Variants in ADRA1B observed in about 807,000 individuals in gnomAD.
The protein encoded by ADRA1B is adrenoceptor alpha 1B.
Under a neutral mutation model 17.9 loss-of-function variants are expected in ADRA1B, and 17 were observed. That is an observed-to-expected ratio of 0.95 (90% CI 0.65 to 1.42). The LOEUF is 1.42. Ranked by LOEUF, ADRA1B falls within the 40% of genes most tolerant of loss-of-function variation. ADRA1B has a pLI of 0.00. For synonymous variants in ADRA1B, 366 were observed against 327.6 expected, an observed-to-expected ratio of 1.12 and a Z score of -1.27; for missense variants, 681 against 722.1, an observed-to-expected ratio of 0.94 and a Z score of 0.65.
chr5:159,890,378 A>T (rs1753969342), intron 1 of ADRA1B, among the ~76,000 whole-genome samples: 1 of 152,192 alleles, frequency 6.6e-6, no homozygotes, highest in Non-Finnish European at 1.5e-5. Flanking sequence ...TAAATTAGTC[A>T]TCTATTGCTG....
At chr5:159,979,192 A>G in the ADRA1B span, among the ~76,000 whole-genome samples, 5 of 152,184 alleles carry the variant, frequency 3.3e-5, no homozygotes, top group Non-Finnish European at 4.4e-5. Flanking sequence ...AAAACCTTAC[A>G]TACAAGGTAG....
intron 1 of ADRA1B, 60 bp downstream of exon 1, chr5:159,917,914 A>C: frequency 7.1e-7 from 1 of 1,412,298 alleles, no homozygotes; most frequent in Non-Finnish European, 9.6e-7. Context: ...TTTACTGATG[A>C]GCTTACTCTA....
chr5:159,911,165 T>C (rs1035690312), intron 1 of ADRA1B, among the ~76,000 whole-genome samples: 1 of 152,220 alleles, frequency 6.6e-6, no homozygotes, highest in Non-Finnish European at 1.5e-5. Context: ...AGAGAAATTC[T>C]GGAGGCACCA....
intron 1 of ADRA1B, among the ~76,000 whole-genome samples, chr5:159,939,326 C>T (rs894655056): frequency 1.7e-3 from 203 of 120,662 alleles, no homozygotes; most frequent in Non-Finnish European, 3.0e-3. Context: ...TGTGTGTGCG[C>T]GCGCGCGCGC....
chr5:159,974,927 C>T (rs2113304186), downstream of ADRA1B, among the ~76,000 whole-genome samples: 1 of 152,268 alleles, frequency 6.6e-6, no homozygotes, highest in East Asian at 1.9e-4. Context: ...AGGTCTTCTG[C>T]CTCTTTGTCC....
chr5:159,887,797 A>G (rs543124707), intron 1 of ADRA1B, among the ~76,000 whole-genome samples: 1 of 152,252 alleles, frequency 6.6e-6, no homozygotes, highest in African/African-American at 2.4e-5. Flanking sequence ...TAGAGGTGGA[A>G]TATATAGACG....
intron 1 of ADRA1B, among the ~76,000 whole-genome samples, chr5:159,875,976 G>A (rs546595831): frequency 2.0e-5 from 3 of 152,290 alleles, no homozygotes; most frequent in African/African-American, 4.8e-5. Flanking sequence ...ATCACTTGAG[G>A]TCAGGAGTTC....
chr5:159,866,298 A>G (rs1230180181), intron 1 of ADRA1B, among the ~76,000 whole-genome samples: 2 of 148,748 alleles, frequency 1.3e-5, no homozygotes, highest in African/African-American at 5.0e-5. Flanking sequence ...ATAGTGAGAA[A>G]AAAAAAAAAA....
chr5:159,949,797 A>G (rs1055274886), intron 1 of ADRA1B, among the ~76,000 whole-genome samples: 1 of 152,212 alleles, frequency 6.6e-6, no homozygotes. Flanking sequence ...CCATTTGTGC[A>G]CTTCAGCAGC....
chr5:159,971,201 A>G (rs1208135236), intron 1 of ADRA1B, among the ~76,000 whole-genome samples: 5 of 152,048 alleles, frequency 3.3e-5, no homozygotes, highest in Admixed American at 3.3e-4. Context: ...GCTACTTTCC[A>G]TTGCCCATGT....
intron 1 of ADRA1B, among the ~76,000 whole-genome samples, chr5:159,881,705 G>C (rs1202293535): frequency 6.6e-6 from 1 of 152,188 alleles, no homozygotes; most frequent in Non-Finnish European, 1.5e-5. Flanking sequence ...TTGGGAAGGA[G>C]TATGAGTGAA....
chr5:159,890,095 T>G (rs1753965920), intron 1 of ADRA1B, among the ~76,000 whole-genome samples: 1 of 152,182 alleles, frequency 6.6e-6, no homozygotes, highest in South Asian at 2.1e-4. Flanking sequence ...CAACGGGTGC[T>G]TGCCTTGAGG....
intron 1 of ADRA1B, among the ~76,000 whole-genome samples, chr5:159,949,428 C>T (rs949728881): frequency 2.0e-5 from 3 of 152,184 alleles, no homozygotes; most frequent in East Asian, 1.9e-4. Flanking sequence ...GAAACAGCTA[C>T]GCAGAAAATG....
chr5:159,936,246 C>G, intron 1 of ADRA1B, among the ~76,000 whole-genome samples: 1 of 152,224 alleles, frequency 6.6e-6, no homozygotes, highest in Admixed American at 6.5e-5. Context: ...AAGAATTACC[C>G]AACCCAACAT....
intron 1 of ADRA1B, among the ~76,000 whole-genome samples, chr5:159,878,345 C>A (rs184828940): frequency 4.9e-4 from 75 of 152,294 alleles, no homozygotes; most frequent in Non-Finnish European, 4.4e-5. Context: ...CAGATGGGAA[C>A]AAAGCTCCAG....
In ADRA1B at chr5:159,917,643, C is replaced by T; in HGVS notation, c.738C>T (p.Ser246=). The T allele has an allele frequency of 6.2e-7, 1 of 1,614,004 alleles. No homozygotes were observed. Among genetic ancestry groups the T allele is most frequent in the Non-Finnish European group, 8.5e-7 (1 of 1,180,012 alleles). The part of the protein sequence containing the change: ...NLEAGVMKEM[S]NSKELTLRIH... The stretch of plus-strand genomic sequence containing the variant: ...AGGCAGGAGTCATGAAGGAGATGTC[C>T]AACTCCAAGGAGCTGACCCTGAGGA... Residue 246 remains serine, a synonymous_variant, in exon 1 of 2, where the codon TCC becomes TCT. Transcript: ENST00000306675.
intron 1 of ADRA1B, among the ~76,000 whole-genome samples, chr5:159,931,251 T>A (rs1754795018): frequency 6.6e-6 from 1 of 151,052 alleles, no homozygotes; most frequent in African/African-American, 2.4e-5. Flanking sequence ...AAAATTAGCC[T>A]CATGTGGTAG....
chr5:159,949,988 G>A (rs1317974421), intron 1 of ADRA1B, among the ~76,000 whole-genome samples: 1 of 152,220 alleles, frequency 6.6e-6, no homozygotes, highest in Non-Finnish European at 1.5e-5. Context: ...AGGGCAAGCA[G>A]GGAAGAGAGA....
At chr5:159,901,720 G>T (rs752947) in intron 1 of ADRA1B, among the ~76,000 whole-genome samples, 28,327 of 152,072 alleles carry the variant, frequency 0.19, 3,339 homozygotes, top group Non-Finnish European at 0.27. Context: ...TTTCTCCAGA[G>T]GAGATATGCA....
Sources: allele counts gnomAD v4.1 joint callset (sites outside exome capture counted in the v4.1 genomes callset), GRCh38; gene constraint gnomAD v4.1.1; transcripts MANE v1.5; gene names NCBI Gene and HGNC (gene_info 2026-07-23, HGNC 2026-07-21).